The following OXCT1 variants were observed in gnomAD, a reference collection of about 807,000 sequenced individuals.
OXCT1 encodes the protein succinyl-CoA:3-ketoacid coenzyme A transferase 1, mitochondrial.
In OXCT1, 27 loss-of-function variants were observed where a neutral mutation model predicts 69.6. The ratio of observed to expected loss-of-function variants is 0.39; its 90% confidence interval spans 0.29 to 0.54. The LOEUF is 0.54. Ranked by LOEUF, OXCT1 falls within the 20% of genes least tolerant of loss-of-function variation. OXCT1 has a pLI of 0.72. For synonymous variants in OXCT1, 202 were observed against 217.8 expected, an observed-to-expected ratio of 0.93 and a Z score of 0.64; for missense variants, 437 against 650.2, an observed-to-expected ratio of 0.67 and a Z score of 3.57.
chr5:41,857,273 C>T (rs1220380232), intron 3 of OXCT1, among the ~76,000 whole-genome samples: 1 of 152,146 alleles, frequency 6.6e-6, no homozygotes, highest in African/African-American at 2.4e-5. Flanking sequence ...TTGCTCACAC[C>T]CTTGTGATGG....
chr5:41,795,636 C>T (rs1746142423), intron 11 of OXCT1, among the ~76,000 whole-genome samples: 1 of 151,962 alleles, frequency 6.6e-6, no homozygotes, highest in East Asian at 1.9e-4. Context: ...AGAATAACTT[C>T]TGAGATGCTA....
At position 41,843,407 on chromosome 5, in the gene OXCT1, T is replaced by G. The variant is rs900211899; in HGVS notation, c.565-626A>C. Among the ~76,000 whole-genome samples the G allele has an allele frequency of 7.9e-5, 12 of 152,322 alleles. No homozygotes were observed. In the South Asian group the frequency reaches 2.5e-3, roughly 32 times the overall value. On this transcript the variant is annotated intron_variant, in intron 5 of 16. Coordinates refer to ENST00000196371, the MANE Select transcript of OXCT1 (RefSeq NM_000436.4). Reference sequence around the variant, plus strand: ...GCTTTATTTTTTTTCTTAGGTTTATTTATAGGTACTTAGTGGTTTCTCTTG... The same window carrying G: ...GCTTTATTTTTTTTCTTAGGTTTATGTATAGGTACTTAGTGGTTTCTCTTG...
intron 13 of OXCT1, among the ~76,000 whole-genome samples, chr5:41,777,369 T>A (rs1745176965): frequency 6.6e-6 from 1 of 152,034 alleles, no homozygotes; most frequent in South Asian, 2.1e-4. Flanking sequence ...TGAGCCGAGA[T>A]CGTGCCACTG....
intron 16 of OXCT1, among the ~76,000 whole-genome samples, chr5:41,738,011 C>G (rs775019329): frequency 2.4e-4 from 37 of 151,774 alleles, no homozygotes; most frequent in Admixed American, 2.4e-3. Context: ...GCCAAGATCG[C>G]GCCACTGCAC....
chr5:41,733,230 A>C (rs531375556), intron 16 of OXCT1, among the ~76,000 whole-genome samples: 1 of 151,652 alleles, frequency 6.6e-6, no homozygotes, highest in Admixed American at 6.6e-5. Flanking sequence ...ATCTGTGGAA[A>C]TAATTTAGTG....
At chr5:41,866,985 G>GGA (rs1750013230) in intron 1 of OXCT1, among the ~76,000 whole-genome samples, 1 of 152,240 alleles carries the variant, frequency 6.6e-6, no homozygotes, top group African/African-American at 2.4e-5. Flanking sequence ...CAGGTCTCAT[G>GGA]GAGAGAGGTT....
intron 13 of OXCT1, among the ~76,000 whole-genome samples, chr5:41,774,232 T>A (rs1745016102): frequency 6.6e-6 from 1 of 152,196 alleles, no homozygotes. Flanking sequence ...TTTTCCTCTA[T>A]CCTTAGGAAA....
chr5:41,796,885 C>T lies in OXCT1; in HGVS notation c.1100-2136G>A, dbSNP rs113999160. Among the ~76,000 whole-genome samples the T allele has an allele frequency of 3.1e-3, 475 of 152,308 alleles. 4 individuals carry two copies. Among genetic ancestry groups the T allele is most frequent in the African/African-American group, 0.011 (451 of 41,554 alleles). The stretch of plus-strand genomic sequence containing the variant: ...TTTGTTATTCCTCTCTCCAAAGCTA[C>T]TTATAAAAGAGATAATGCCATTGCC... On this transcript the variant is annotated intron_variant, in intron 11 of 16. Transcript: ENST00000196371.
At chr5:41,853,678 A>C (rs1386875692) in intron 3 of OXCT1, 124 bp from the exon 4 acceptor site, 1 of 1,070,896 alleles carries the variant, frequency 9.3e-7, no homozygotes, top group African/African-American at 1.6e-5. Context: ...CATTTGATCC[A>C]CATTCTTAGT....
At chr5:41,863,967 C>T (rs1339188612) in intron 1 of OXCT1, among the ~76,000 whole-genome samples, 1 of 152,150 alleles carries the variant, frequency 6.6e-6, no homozygotes, top group Non-Finnish European at 1.5e-5. Context: ...ACAACTCATC[C>T]TCCTATGGGG....
intron 3 of OXCT1, among the ~76,000 whole-genome samples, chr5:41,858,890 G>A (rs900342042): frequency 5.3e-5 from 8 of 152,058 alleles, no homozygotes; most frequent in African/African-American, 1.9e-4. Context: ...GCTAATTTAT[G>A]ACATACAGTA....
intron 7 of OXCT1, among the ~76,000 whole-genome samples, chr5:41,815,187 T>C (rs990273101): frequency 7.2e-5 from 11 of 152,172 alleles, no homozygotes; most frequent in African/African-American, 2.7e-4. Context: ...GTAGAACTGT[T>C]ACTTCATATA....
chr5:41,793,976 A>T, intron 13 of OXCT1, 27 bp downstream of exon 13: 1 of 1,344,398 alleles, frequency 7.4e-7, no homozygotes, highest in Non-Finnish European at 1.1e-6. Context: ...ATCCAAACAT[A>T]ATTCAGAATA....
intron 13 of OXCT1, among the ~76,000 whole-genome samples, chr5:41,772,362 CAA>C (rs560834066): frequency 8.4e-6 from 1 of 118,654 alleles, no homozygotes. Context: ...TTAAAAAAAA[CAA>C]AAAAAAAAAG....
Position 41,836,821 on chromosome 5 carries a change from T to C in OXCT1, c.732+3630A>G, listed in dbSNP as rs145528689. Among the ~76,000 whole-genome samples, 1,468 of 152,280 alleles carry C rather than the reference T, an allele frequency of 9.6e-3. 12 individuals carry two copies. Among genetic ancestry groups the C allele is most frequent in the South Asian group, 0.03 (147 of 4,828 alleles). ...CAGTTCCTAACAGACCATGGGCCAG[T>C]ACAGGTCCATGGCCTGAGGGTTGGG... is the stretch of plus-strand genomic sequence containing the variant. On this transcript the variant is annotated intron_variant, in intron 7 of 16. Coordinates refer to ENST00000196371, the MANE Select transcript of OXCT1 (RefSeq NM_000436.4).
Position 41,842,555 on chromosome 5 carries a change from C to T in OXCT1, c.671+120G>A, listed in dbSNP as rs543866370. ...TGCACACACCTATATATGTGCAATA[C>T]ACATGGGCATGTATGATTTTGGGCC... On this transcript the variant is annotated intron_variant, in intron 6 of 16. Transcript: ENST00000196371. 4.0e-5 allele frequency: 31 copies of T among 782,450 alleles called. No homozygotes were observed. The African/African-American group carries it at 4.6e-4, about 11-fold the overall frequency. 48.5% of individuals were successfully genotyped at this position (782,450 alleles called of 1,614,324 possible).
intron 7 of OXCT1, 24 bp downstream of exon 7, chr5:41,840,427 A>G (rs1312140587): frequency 1.3e-6 from 2 of 1,558,130 alleles, no homozygotes; most frequent in South Asian, 2.2e-5. Context: ...AATTAACACC[A>G]AGAATTCAAA....
intron 15 of OXCT1, among the ~76,000 whole-genome samples, chr5:41,744,431 C>G (rs993818749): frequency 2.0e-5 from 3 of 152,140 alleles, no homozygotes; most frequent in Non-Finnish European, 1.5e-5. Context: ...TTGACTTCCT[C>G]TTTTCCTAAT....
chr5:41,851,755 GA>G (rs1371087156), intron 4 of OXCT1, among the ~76,000 whole-genome samples: 1 of 152,240 alleles, frequency 6.6e-6, no homozygotes, highest in East Asian at 1.9e-4. Flanking sequence ...CGTACTTTCT[GA>G]CGAAATAAGG....
Sources: allele counts gnomAD v4.1 joint callset (sites outside exome capture counted in the v4.1 genomes callset), GRCh38; gene constraint gnomAD v4.1.1; transcripts MANE v1.5; gene names NCBI Gene and HGNC (gene_info 2026-07-23, HGNC 2026-07-21).